UNC5D: variants seen among roughly 807,000 people sequenced by gnomAD.
UNC5D encodes the protein unc-5 netrin receptor D.
Under a neutral mutation model 105.4 loss-of-function variants are expected in UNC5D, and 39 were observed. The observed-to-expected ratio is 0.37, with a 90% CI of 0.29 to 0.48. The LOEUF (loss-of-function observed/expected upper bound fraction) is 0.48. UNC5D is among the 20% of genes least tolerant of loss of function. The probability of loss-of-function intolerance (pLI) is 0.98; values close to 1 mark genes in which losing one functional copy is unlikely to be tolerated. For missense variants in UNC5D, 991 were observed against 1,202.4 expected, an observed-to-expected ratio of 0.82 and a Z score of 2.60; for synonymous variants, 452 against 450.4, an observed-to-expected ratio of 1.00 and a Z score of -0.04.
At chr8:35,601,200 T>C (rs1453402774) in intron 4 of UNC5D, among the ~76,000 whole-genome samples, 1 of 152,198 alleles carries the variant, frequency 6.6e-6, no homozygotes, top group Non-Finnish European at 1.5e-5. Context: ...TTGGTTACTG[T>C]AGCCTTGTAG....
chr8:35,394,778 T>C (rs779189988), intron 1 of UNC5D, among the ~76,000 whole-genome samples: 1 of 152,198 alleles, frequency 6.6e-6, no homozygotes, highest in African/African-American at 2.4e-5. Context: ...AGAGTTTCTA[T>C]GTAAATATGT....
chr8:35,513,048 C>T (rs915350036), intron 1 of UNC5D, among the ~76,000 whole-genome samples: 1 of 151,652 alleles, frequency 6.6e-6, no homozygotes, highest in Non-Finnish European at 1.5e-5. Flanking sequence ...GCCTTCCCTC[C>T]ACACTCCCAT....
rs371294546 is a variant in UNC5D, at chr8:35,667,134, G to A, written c.571-16413G>A. Among the ~76,000 whole-genome samples the A allele has an allele frequency of 7.9e-5, 12 of 152,114 alleles. No homozygotes were observed. In the East Asian group the frequency reaches 1.7e-3, roughly 22 times the overall value. On this transcript the variant is annotated intron_variant, in intron 4 of 16. Coordinates refer to ENST00000404895, the MANE Select transcript of UNC5D (RefSeq NM_080872.4). ...ACTTTTTTTTTCAAACTTGGAACAT[G>A]TATTTGTTTAATGAAAATAGCTTTT...
chr8:35,280,491 T>G (rs1167556409), intron 1 of UNC5D, among the ~76,000 whole-genome samples: 1 of 152,160 alleles, frequency 6.6e-6, no homozygotes, highest in African/African-American at 2.4e-5. Context: ...GATTGTGAGA[T>G]TCTGTGTGGG....
chr8:35,494,821 G>A (rs148115332), intron 1 of UNC5D, among the ~76,000 whole-genome samples: 5 of 151,988 alleles, frequency 3.3e-5, no homozygotes, highest in Admixed American at 6.6e-5. Flanking sequence ...TAATTCTATC[G>A]TGTGAAAAAG....
At chr8:35,473,078 A>T (rs548917074) in intron 1 of UNC5D, among the ~76,000 whole-genome samples, 3 of 152,302 alleles carry the variant, frequency 2.0e-5, no homozygotes, top group Non-Finnish European at 4.4e-5. Context: ...TTTAAATGTG[A>T]TTACACTGAA....
At chr8:35,396,870 G>T (rs1804136769) in intron 1 of UNC5D, among the ~76,000 whole-genome samples, 1 of 149,982 alleles carries the variant, frequency 6.7e-6, no homozygotes, top group Non-Finnish European at 1.5e-5. Flanking sequence ...TGTATTATGT[G>T]TCTCTTCTGA....
chr8:35,430,417 A>G (rs958244123), intron 1 of UNC5D, among the ~76,000 whole-genome samples: 18 of 152,058 alleles, frequency 1.2e-4, no homozygotes, highest in African/African-American at 4.1e-4. Flanking sequence ...TTTATAATAA[A>G]CTGGTAAACA....
At chr8:35,768,812 C>T (rs1340468173) in intron 15 of UNC5D, among the ~76,000 whole-genome samples, 1 of 152,204 alleles carries the variant, frequency 6.6e-6, no homozygotes, top group Non-Finnish European at 1.5e-5. Flanking sequence ...CAGAAGATAA[C>T]ATCATAATAT....
intron 1 of UNC5D, among the ~76,000 whole-genome samples, chr8:35,477,349 T>G (rs1189412379): frequency 6.6e-6 from 1 of 152,072 alleles, no homozygotes; most frequent in East Asian, 1.9e-4. Flanking sequence ...CTTTTGTCTT[T>G]TTTTTTTGTT....
intron 1 of UNC5D, among the ~76,000 whole-genome samples, chr8:35,373,041 A>C (rs1267082528): frequency 6.6e-6 from 1 of 152,180 alleles, no homozygotes; most frequent in Non-Finnish European, 1.5e-5. Flanking sequence ...ATGGAATCTC[A>C]GTTCCCCCTC....
At chr8:35,751,758 AACTAACG>A (rs1830290980) in intron 13 of UNC5D, among the ~76,000 whole-genome samples, 1 of 152,206 alleles carries the variant, frequency 6.6e-6, no homozygotes, top group African/African-American at 2.4e-5. Flanking sequence ...AGAAGGGCTA[AACTAACG>A]CATGTGCAGA....
chr8:35,267,623 G>A (rs1005249568), intron 1 of UNC5D, among the ~76,000 whole-genome samples: 9 of 152,106 alleles, frequency 5.9e-5, no homozygotes, highest in Non-Finnish European at 1.2e-4. Flanking sequence ...ATTTTCAGTA[G>A]AGACGGGGTT....
intron 1 of UNC5D, among the ~76,000 whole-genome samples, chr8:35,356,894 T>C (rs1199560934): frequency 6.6e-6 from 1 of 152,148 alleles, no homozygotes; most frequent in Non-Finnish European, 1.5e-5. Context: ...ATGATTAGTG[T>C]CCTGGGTGGG....
At chr8:35,617,522 C>T (rs1198114708) in intron 4 of UNC5D, among the ~76,000 whole-genome samples, 2 of 152,178 alleles carry the variant, frequency 1.3e-5, no homozygotes, top group Non-Finnish European at 2.9e-5. Context: ...TCAAGCCTCT[C>T]CACCCTGTAA....
intron 1 of UNC5D, among the ~76,000 whole-genome samples, chr8:35,426,302 A>C (rs1806244610): frequency 6.6e-6 from 1 of 152,190 alleles, no homozygotes; most frequent in Non-Finnish European, 1.5e-5. Context: ...TTCATAGACT[A>C]TTCCTTAAAT....
intron 1 of UNC5D, among the ~76,000 whole-genome samples, chr8:35,250,306 G>A (rs1258080485): frequency 6.6e-6 from 1 of 151,988 alleles, no homozygotes; most frequent in African/African-American, 2.4e-5. Flanking sequence ...AGTTCCTCAG[G>A]TTGTTCCCAA....
chr8:35,748,792 G>A (rs11992734), intron 12 of UNC5D, 97 bp downstream of exon 12: 111 of 1,402,006 alleles, frequency 7.9e-5, no homozygotes, highest in African/African-American at 8.8e-5. Context: ...TCAGCATTTC[G>A]TTGTTGGCAA....
At chr8:35,709,735 C>G (rs1827820592) in intron 8 of UNC5D, among the ~76,000 whole-genome samples, 1 of 151,820 alleles carries the variant, frequency 6.6e-6, no homozygotes, top group African/African-American at 2.4e-5. Context: ...AAGAATAGAA[C>G]TGAGGGGAGA....
Sources: gnomAD v4.1 joint callset for allele counts (sites outside exome capture counted in the v4.1 genomes callset) on GRCh38, gnomAD v4.1.1 for gene constraint, MANE v1.5 for transcripts, NCBI Gene and HGNC (gene_info 2026-07-23, HGNC 2026-07-21) for gene names.